KIAA1217: variants seen among roughly 807,000 people sequenced by gnomAD.
KIAA1217 encodes the protein sickle tail protein homolog.
KIAA1217 carries 88 observed loss-of-function variants against 163.9 expected under a neutral mutation model. The observed-to-expected ratio is 0.54, with a 90% CI of 0.45 to 0.64. The LOEUF (loss-of-function observed/expected upper bound fraction) is 0.64, where lower values mean the gene tolerates loss of function less well. Among genes scored for constraint, KIAA1217 ranks in the 30% least tolerant of loss-of-function variants. KIAA1217 has a pLI of 0.00. For missense variants in KIAA1217, 2,372 were observed against 2,475.0 expected (o/e 0.96, Z 0.88); for synonymous variants, 903 against 923.1 (o/e 0.98, Z 0.39).
intron 2 of KIAA1217, among the ~76,000 whole-genome samples, chr10:24,018,164 C>T (rs1382073240): frequency 6.6e-6 from 1 of 151,944 alleles, no homozygotes; most frequent in Non-Finnish European, 1.5e-5. Flanking sequence ...GGAGTATGTG[C>T]TCCCAAACAA....
At chr10:24,422,705 A>G (rs1186308539) in intron 3 of KIAA1217, among the ~76,000 whole-genome samples, 2 of 152,154 alleles carry the variant, frequency 1.3e-5, no homozygotes, top group African/African-American at 4.8e-5. Context: ...TGGGATGCTC[A>G]TTTCAATGAT....
intron 1 of KIAA1217, among the ~76,000 whole-genome samples, chr10:23,815,543 C>T (rs1210992108): frequency 6.6e-6 from 1 of 152,142 alleles, no homozygotes; most frequent in African/African-American, 2.4e-5. Context: ...ACTCAGGAGG[C>T]TGAGGCAGGA....
chr10:23,699,170 G>A (rs1836246130), intron 1 of KIAA1217, among the ~76,000 whole-genome samples: 1 of 152,198 alleles, frequency 6.6e-6, no homozygotes, highest in Admixed American at 6.5e-5. Context: ...TGAGGACAGG[G>A]CAGCAAAGGA....
At chr10:23,766,787 C>T (rs1466529462) in intron 1 of KIAA1217, among the ~76,000 whole-genome samples, 1 of 152,012 alleles carries the variant, frequency 6.6e-6, no homozygotes, top group Non-Finnish European at 1.5e-5. Flanking sequence ...CGGGGTTTCA[C>T]CATGTTGGCC....
intron 1 of KIAA1217, among the ~76,000 whole-genome samples, chr10:23,857,904 A>G (rs904290727): frequency 4.6e-5 from 7 of 152,020 alleles, no homozygotes. Context: ...AACAGTGAAA[A>G]TGCCATTTTA....
intron 5 of KIAA1217, among the ~76,000 whole-genome samples, chr10:24,454,038 C>A (rs73604483): frequency 0.024 from 3,642 of 151,552 alleles, 141 homozygotes; most frequent in African/African-American, 0.08. Flanking sequence ...AAGGAAGGAA[C>A]AGGGTAAAAC....
rs955914160 is a variant in KIAA1217 at position 24,210,736 on chromosome 10, C to T, written c.70+1473C>T. 2.0e-5 allele frequency among the ~76,000 whole-genome samples: 3 copies of T among 152,082 alleles called. No homozygotes were observed. The South Asian group carries it at 6.2e-4, about 31-fold the overall frequency. On this transcript the variant is annotated intron_variant, in intron 1 of 20. Coordinates refer to ENST00000376454, the MANE Select transcript of KIAA1217 (RefSeq NM_019590.5). ...CGTCACTGTTTTAGCTGCCAGACAT[C>T]CAGTGGTGAACAAAGCAGACTAAAA...
intron 1 of KIAA1217, among the ~76,000 whole-genome samples, chr10:23,769,767 T>C (rs944461635): frequency 1.3e-5 from 2 of 152,214 alleles, no homozygotes; most frequent in South Asian, 4.1e-4. Flanking sequence ...CTTAGGGTAA[T>C]GGAGACCAAA....
rs776818509 is a variant in KIAA1217, at chr10:24,543,470, G to A, written c.4200G>A (p.Val1400=). 1.2e-6 allele frequency: 2 copies of A among 1,614,100 alleles called. No homozygotes were observed. Among genetic ancestry groups the A allele is most frequent in the Admixed American group, 1.7e-5 (1 of 60,010 alleles). Residue 1400 remains valine, a synonymous_variant, in exon 19 of 21, where the codon GTG becomes GTA. Coordinates refer to ENST00000376454, the MANE Select transcript of KIAA1217 (RefSeq NM_019590.5). ...TTVQVLSSGE[V]HDIVSQKGED... Reference sequence around the variant, plus strand: ...TCCAGGTTCTTTCCAGTGGGGAGGTGCATGATATTGTTAGCCAAAAGGGAG... The same window carrying A: ...TCCAGGTTCTTTCCAGTGGGGAGGTACATGATATTGTTAGCCAAAAGGGAG...
intron 9 of KIAA1217, among the ~76,000 whole-genome samples, chr10:24,509,883 G>C (rs2068863001): frequency 6.6e-6 from 1 of 152,058 alleles, no homozygotes; most frequent in Non-Finnish European, 1.5e-5. Flanking sequence ...TTCATTAAGT[G>C]GAAGTGGATC....
chr10:23,765,342 T>A (rs559413132), intron 1 of KIAA1217, among the ~76,000 whole-genome samples: 2 of 151,956 alleles, frequency 1.3e-5, no homozygotes, highest in African/African-American at 4.8e-5. Flanking sequence ...CCCGGCTAAC[T>A]TTTTGTACTT....
At chr10:24,125,094 A>G (rs1009747936) in intron 2 of KIAA1217, among the ~76,000 whole-genome samples, 36 of 152,210 alleles carry the variant, frequency 2.4e-4, no homozygotes, top group African/African-American at 8.2e-4. Flanking sequence ...CAATACGGTA[A>G]AACCCCGTCT....
intron 2 of KIAA1217, among the ~76,000 whole-genome samples, chr10:24,222,160 A>G (rs2069742836): frequency 6.6e-6 from 1 of 152,212 alleles, no homozygotes. Context: ...GCCTAATTAT[A>G]ATTAAGGTTG....
At chr10:24,069,425 C>G (rs1267410654) in intron 2 of KIAA1217, among the ~76,000 whole-genome samples, 1 of 152,026 alleles carries the variant, frequency 6.6e-6, no homozygotes, top group Non-Finnish European at 1.5e-5. Context: ...CCCCAGGTGT[C>G]TGGCATAAGG....
chr10:24,008,179 TAG>T (rs1847083086), intron 2 of KIAA1217, among the ~76,000 whole-genome samples: 3 of 151,776 alleles, frequency 2.0e-5, no homozygotes, highest in Non-Finnish European at 4.4e-5. Flanking sequence ...GATAGATAGA[TAG>T]ATAGATAGAT....
At chr10:24,456,884 G>A (rs1166659102) in intron 5 of KIAA1217, among the ~76,000 whole-genome samples, 1 of 151,812 alleles carries the variant, frequency 6.6e-6, no homozygotes, top group Non-Finnish European at 1.5e-5. Flanking sequence ...TGTGTTTTTA[G>A]TAGAGTCAGG....
At chr10:24,016,148 G>A (rs190536114) in intron 2 of KIAA1217, among the ~76,000 whole-genome samples, 1 of 152,104 alleles carries the variant, frequency 6.6e-6, no homozygotes, top group Non-Finnish European at 1.5e-5. Context: ...GATCTAACTG[G>A]GCTTTCTGGT....
intron 1 of KIAA1217, among the ~76,000 whole-genome samples, chr10:23,780,498 C>T (rs1303455037): frequency 6.6e-6 from 1 of 152,052 alleles, no homozygotes; most frequent in Non-Finnish European, 1.5e-5. Flanking sequence ...ATCACTTCTC[C>T]CTGTGTCTGA....
intron 3 of KIAA1217, among the ~76,000 whole-genome samples, chr10:24,405,092 C>T (rs1051438823): frequency 7.2e-5 from 11 of 152,014 alleles, no homozygotes; most frequent in African/African-American, 1.2e-4. Context: ...GTGATAAAAT[C>T]GTATAGAGCA....
Sources: gnomAD v4.1 joint callset for allele counts (sites outside exome capture counted in the v4.1 genomes callset) on GRCh38, gnomAD v4.1.1 for gene constraint, MANE v1.5 for transcripts, NCBI Gene and HGNC (gene_info 2026-07-23, HGNC 2026-07-21) for gene names.